The following MCC variants were observed in gnomAD, a reference collection of about 807,000 sequenced individuals.
The protein encoded by MCC is MCC regulator of Wnt signaling pathway.
Under a neutral mutation model 116.2 loss-of-function variants are expected in MCC, and 90 were observed. The observed-to-expected ratio is 0.77, with a 90% CI of 0.65 to 0.92. The LOEUF (loss-of-function observed/expected upper bound fraction) is 0.92, where lower values mean the gene tolerates loss of function less well. MCC is among the 40% of genes least tolerant of loss of function. MCC has a pLI of 0.00. For synonymous variants in MCC, 578 were observed against 510.5 expected, an observed-to-expected ratio of 1.13 and a Z score of -1.78; for missense variants, 1,516 against 1,312.2, an observed-to-expected ratio of 1.16 and a Z score of -2.40.
chr5:113,186,436 T>C (rs529235222), intron 3 of MCC, among the ~76,000 whole-genome samples: 17 of 152,258 alleles, frequency 1.1e-4, no homozygotes, highest in African/African-American at 4.1e-4. Context: ...ATGGCGACAA[T>C]GAACTAGAAA....
chr5:113,139,120 T>A (rs34682581), intron 5 of MCC, among the ~76,000 whole-genome samples: 494 of 152,300 alleles, frequency 3.2e-3, no homozygotes, highest in Middle Eastern at 0.014. Context: ...ATTACTATTG[T>A]GCCCTTGTTG....
intron 6 of MCC, among the ~76,000 whole-genome samples, chr5:113,107,456 C>T (rs995062877): frequency 6.6e-6 from 1 of 151,920 alleles, no homozygotes; most frequent in Non-Finnish European, 1.5e-5. Flanking sequence ...GACCTCAGTG[C>T]TTTTGTTCCT....
intron 2 of MCC, among the ~76,000 whole-genome samples, chr5:113,369,208 A>G (rs1252311709): frequency 6.6e-6 from 1 of 151,544 alleles, no homozygotes; most frequent in Non-Finnish European, 1.5e-5. Context: ...TTCCCTCCCC[A>G]GAGGTTGGGG....
chr5:113,351,286 A>C (rs1768262121), intron 2 of MCC, among the ~76,000 whole-genome samples: 1 of 152,188 alleles, frequency 6.6e-6, no homozygotes, highest in African/African-American at 2.4e-5. Flanking sequence ...CAAGCAACTT[A>C]TGTGTTTATC....
At chr5:113,401,385 C>T (rs1039460590) in intron 1 of MCC, among the ~76,000 whole-genome samples, 2 of 152,044 alleles carry the variant, frequency 1.3e-5, no homozygotes, top group African/African-American at 4.8e-5. Context: ...TCACTAAGTG[C>T]TACTCAATAG....
At chr5:113,487,382 A>G (rs772217377) in intron 1 of MCC, among the ~76,000 whole-genome samples, 8 of 152,234 alleles carry the variant, frequency 5.3e-5, no homozygotes, top group Non-Finnish European at 1.0e-4. Flanking sequence ...CAACCATTCA[A>G]TAGAAGCATA....
At chr5:113,326,448 T>A (rs1036219752) in intron 3 of MCC, among the ~76,000 whole-genome samples, 1 of 152,196 alleles carries the variant, frequency 6.6e-6, no homozygotes, top group East Asian at 1.9e-4. Context: ...CTGTATACTC[T>A]GGAGAGGCCA....
intron 11 of MCC, among the ~76,000 whole-genome samples, chr5:113,073,960 T>C (rs934876840): frequency 3.3e-5 from 5 of 152,238 alleles, no homozygotes; most frequent in Non-Finnish European, 7.3e-5. Context: ...GGGCAGGGCA[T>C]AGCTGAACAA....
intron 3 of MCC, among the ~76,000 whole-genome samples, chr5:113,160,392 T>A (rs7737490): frequency 0.062 from 9,401 of 152,324 alleles, 399 homozygotes; most frequent in East Asian, 0.16. Context: ...CTGCTTGCTA[T>A]GTGCTAGATT....
chr5:113,459,537 CA>C (rs1418167653), intron 1 of MCC, among the ~76,000 whole-genome samples: 2 of 151,014 alleles, frequency 1.3e-5, no homozygotes, highest in South Asian at 2.1e-4. Flanking sequence ...GACTCCATCT[CA>C]AAAAAAAGAA....
At chr5:113,461,592 G>A (rs1288224845) in intron 1 of MCC, among the ~76,000 whole-genome samples, 1 of 152,034 alleles carries the variant, frequency 6.6e-6, no homozygotes, top group Non-Finnish European at 1.5e-5. Context: ...GACTGCTTGA[G>A]CCCAGGAGTC....
chr5:113,449,005 G>C (rs1024635278), intron 1 of MCC, among the ~76,000 whole-genome samples: 3 of 152,192 alleles, frequency 2.0e-5, no homozygotes, highest in African/African-American at 7.2e-5. Context: ...TTTGTTGGAT[G>C]CTCCAATTTA....
intron 1 of MCC, among the ~76,000 whole-genome samples, chr5:113,480,764 T>G (rs2972255): frequency 2.8e-4 from 43 of 152,200 alleles, no homozygotes; most frequent in Non-Finnish European, 4.7e-4. Flanking sequence ...AGATTTGGAT[T>G]TCATTATTTT....
At chr5:113,371,609 A>C (rs10900685) in intron 2 of MCC, among the ~76,000 whole-genome samples, 28,268 of 152,216 alleles carry the variant, frequency 0.19, 3,138 homozygotes, top group Admixed American at 0.31. Context: ...AACTAGGAGA[A>C]AAATGTTTTT....
chr5:113,390,954 A>G (rs1257996747), intron 1 of MCC, among the ~76,000 whole-genome samples: 1 of 152,158 alleles, frequency 6.6e-6, no homozygotes, highest in Non-Finnish European at 1.5e-5. Flanking sequence ...CTCTAATTTC[A>G]GTTCTACAAA....
intron 3 of MCC, among the ~76,000 whole-genome samples, chr5:113,259,058 T>C (rs1284062319): frequency 6.6e-6 from 1 of 151,054 alleles, no homozygotes; most frequent in Non-Finnish European, 1.5e-5. Flanking sequence ...AAAAGGTGTT[T>C]TATTTTAAAC....
chr5:113,124,848 G>A (rs74647331), intron 5 of MCC, among the ~76,000 whole-genome samples: 1 of 152,354 alleles, frequency 6.6e-6, no homozygotes, highest in Non-Finnish European at 1.5e-5. Context: ...TCTTCAAGGA[G>A]ACAAAGATGT....
intron 8 of MCC, among the ~76,000 whole-genome samples, chr5:113,091,882 A>G (rs1755667573): frequency 8.2e-6 from 1 of 121,382 alleles, no homozygotes; most frequent in Non-Finnish European, 1.7e-5. Context: ...AATGAGACTC[A>G]GACACACACA....
chr5:113,085,372 A>G (rs1755141849), intron 8 of MCC, 62 bp from the exon 9 acceptor site: 7 of 1,517,966 alleles, frequency 4.6e-6, no homozygotes, highest in Middle Eastern at 1.8e-4. Context: ...CAAAACAGCC[A>G]GATGGGTAGG....
Sources: allele counts gnomAD v4.1 joint callset (sites outside exome capture counted in the v4.1 genomes callset), GRCh38; gene constraint gnomAD v4.1.1; transcripts MANE v1.5; gene names NCBI Gene and HGNC (gene_info 2026-07-23, HGNC 2026-07-21).